PRKAR1A: variants seen among roughly 807,000 people sequenced by gnomAD.
PRKAR1A encodes protein kinase cAMP-dependent type I regulatory subunit alpha.
PRKAR1A carries 3 observed loss-of-function variants against 52.0 expected under a neutral mutation model. That is an observed-to-expected ratio of 0.06 (90% CI 0.03 to 0.15). PRKAR1A has a LOEUF of 0.15. Among genes scored for constraint, PRKAR1A ranks in the 10% least tolerant of loss-of-function variants. The probability of loss-of-function intolerance (pLI) is 1.00; values close to 1 mark genes in which losing one functional copy is unlikely to be tolerated. For missense variants in PRKAR1A, 240 were observed against 477.4 expected (o/e 0.50, Z 4.63); for synonymous variants, 188 against 168.4 (o/e 1.12, Z -0.90).
chr17:68,493,076 G>A, the PRKAR1A span, among the ~76,000 whole-genome samples: 5 of 151,592 alleles, frequency 3.3e-5, no homozygotes, highest in Non-Finnish European at 1.5e-5. Flanking sequence ...AGGTCTTTGA[G>A]GAATTGCCAC....
intron 11 of PRKAR1A, among the ~76,000 whole-genome samples, chr17:68,546,753 C>A (rs896777677): frequency 6.6e-6 from 1 of 151,316 alleles, no homozygotes; most frequent in Non-Finnish European, 1.5e-5. Context: ...TGGCGTGAAC[C>A]CGGGAGGTGG....
the PRKAR1A span, among the ~76,000 whole-genome samples, chr17:68,425,275 C>G: frequency 6.6e-6 from 1 of 152,222 alleles, no homozygotes; most frequent in Non-Finnish European, 1.5e-5. Context: ...ACAATCAGAG[C>G]TCACTGCAGC....
At chr17:68,543,455 TG>T (rs1174517633) in intron 11 of PRKAR1A, among the ~76,000 whole-genome samples, 1 of 152,112 alleles carries the variant, frequency 6.6e-6, no homozygotes, top group Non-Finnish European at 1.5e-5. Context: ...TTTTTCAATC[TG>T]GGGGGTTGCA....
chr17:68,520,869 T>G (rs1473041737), intron 2 of PRKAR1A, among the ~76,000 whole-genome samples: 1 of 152,234 alleles, frequency 6.6e-6, no homozygotes, highest in Non-Finnish European at 1.5e-5. Context: ...TTGTGAAATG[T>G]CAGTGACAAA....
the PRKAR1A span, among the ~76,000 whole-genome samples, chr17:68,417,229 C>T: frequency 2.0e-5 from 3 of 152,170 alleles, no homozygotes; most frequent in African/African-American, 7.2e-5. Flanking sequence ...AGCTGGGTAT[C>T]CCCCTACCCT....
At chr17:68,550,423 C>T (rs932074965) in intron 11 of PRKAR1A, among the ~76,000 whole-genome samples, 1 of 132,340 alleles carries the variant, frequency 7.6e-6, no homozygotes, top group Admixed American at 9.2e-5. Context: ...CTCTGTTGCC[C>T]AGGCTGGAGT....
At chr17:68,429,925 G>C in the PRKAR1A span, 1 of 1,599,548 alleles carries the variant, frequency 6.3e-7, no homozygotes. Flanking sequence ...CAGGTTTGGG[G>C]ATTTTTGTGC....
chr17:68,524,779 C>T, intron 5 of PRKAR1A, 133 bp from the exon 6 acceptor site: 2 of 736,230 alleles, frequency 2.7e-6, no homozygotes, highest in South Asian at 1.6e-5. Flanking sequence ...ATTTTCTTTC[C>T]CCTGAAAGAT....
chr17:68,544,629 A>G (rs1195553872), intron 11 of PRKAR1A, among the ~76,000 whole-genome samples: 1 of 152,242 alleles, frequency 6.6e-6, no homozygotes, highest in Non-Finnish European at 1.5e-5. Context: ...TTTTGCCAAA[A>G]AACACGAGTG....
chr17:68,504,890 A>C, the PRKAR1A span, among the ~76,000 whole-genome samples: 1 of 152,212 alleles, frequency 6.6e-6, no homozygotes, highest in Non-Finnish European at 1.5e-5. Flanking sequence ...TGATGTGATT[A>C]TTACCCATTG....
At chr17:68,427,342 G>T in the PRKAR1A span, 1 of 987,342 alleles carries the variant, frequency 1.0e-6, no homozygotes, top group Non-Finnish European at 1.6e-6. Flanking sequence ...GAAGAAGCCT[G>T]TGCTCAGCTC....
chr17:68,429,394 G>A, the PRKAR1A span, among the ~76,000 whole-genome samples: 4 of 152,104 alleles, frequency 2.6e-5, no homozygotes, highest in Non-Finnish European at 5.9e-5. Context: ...AGCCCCATAG[G>A]AGTCCGAACC....
chr17:68,475,790 C>T, the PRKAR1A span, among the ~76,000 whole-genome samples: 3 of 152,102 alleles, frequency 2.0e-5, no homozygotes, highest in East Asian at 5.8e-4. Context: ...ACAGACTTTT[C>T]GTTGTATCTC....
the PRKAR1A span, among the ~76,000 whole-genome samples, chr17:68,499,936 A>T: frequency 6.6e-6 from 1 of 152,236 alleles, no homozygotes; most frequent in Non-Finnish European, 1.5e-5. Flanking sequence ...GATGACATGA[A>T]GACCATACAT....
chr17:68,531,433 CAG>C lies in PRKAR1A; in HGVS notation c.*988_*989del, dbSNP rs2085972676. On this transcript the variant is annotated 3_prime_UTR_variant, in exon 11 of 11. Coordinates refer to ENST00000589228, the MANE Select transcript of PRKAR1A (RefSeq NM_002734.5). The stretch of plus-strand genomic sequence containing the variant: ...GATACAGATGGAGCAAATGTCCTAA[CAG>C]AGAAATAGAGGTGATGCTGCTAAAG... 6.6e-6 allele frequency: 7 copies of C among 1,065,954 alleles called. No homozygotes were observed. The highest frequency in any genetic ancestry group is 5.0e-5 in the East Asian group (1 of 20,184). The allele number at this position is 1,065,954 out of a possible 1,614,324, so 66.0% of individuals were successfully genotyped here.
the PRKAR1A span, among the ~76,000 whole-genome samples, chr17:68,472,492 T>G: frequency 1.3e-5 from 2 of 152,144 alleles, no homozygotes; most frequent in Non-Finnish European, 2.9e-5. Context: ...TAGGGTTTCC[T>G]GTCCAAAAAA....
the PRKAR1A span, among the ~76,000 whole-genome samples, chr17:68,457,849 C>A: frequency 1.3e-5 from 2 of 152,160 alleles, no homozygotes; most frequent in Non-Finnish European, 2.9e-5. Flanking sequence ...AGCAGGCCCA[C>A]GTGGCGGTGT....
At chr17:68,420,472 T>C in the PRKAR1A span, 1 of 1,603,084 alleles carries the variant, frequency 6.2e-7, no homozygotes, top group Non-Finnish European at 8.5e-7. Context: ...AACAGACCAA[T>C]TTTTATTCCA....
At chr17:68,540,386 T>G (rs1439296740) in intron 11 of PRKAR1A, among the ~76,000 whole-genome samples, 2 of 152,218 alleles carry the variant, frequency 1.3e-5, no homozygotes, top group Admixed American at 6.5e-5. Context: ...CTGTCTGACT[T>G]GCTTCCGACC....
Sources: allele counts gnomAD v4.1 joint callset (sites outside exome capture counted in the v4.1 genomes callset), GRCh38; gene constraint gnomAD v4.1.1; transcripts MANE v1.5; gene names NCBI Gene and HGNC (gene_info 2026-07-23, HGNC 2026-07-21).